PPFIA2: variants seen among roughly 807,000 people sequenced by gnomAD.
PPFIA2 encodes the protein liprin-alpha-2.
In PPFIA2, 46 loss-of-function variants were observed where a neutral mutation model predicts 175.5. That is an observed-to-expected ratio of 0.26 (90% CI 0.21 to 0.34). The LOEUF is 0.34. Among genes scored for constraint, PPFIA2 ranks in the 10% least tolerant of loss-of-function variants. PPFIA2 has a pLI of 1.00. For synonymous variants in PPFIA2, 568 were observed against 511.4 expected (o/e 1.11, Z -1.49); for missense variants, 1,179 against 1,506.1 (o/e 0.78, Z 3.60).
chr12:81,429,183 T>C (rs1457379050), intron 7 of PPFIA2, among the ~76,000 whole-genome samples: 1 of 152,154 alleles, frequency 6.6e-6, no homozygotes, highest in African/African-American at 2.4e-5. Context: ...GTAATCATTT[T>C]TATAAAGCAG....
intron 23 of PPFIA2, 123 bp downstream of exon 23, chr12:81,299,178 C>T (rs184299100): frequency 7.9e-7 from 1 of 1,271,342 alleles, no homozygotes; most frequent in Admixed American, 2.8e-5. Context: ...AGCAAATAGT[C>T]CCTTATGAGC....
intron 7 of PPFIA2, among the ~76,000 whole-genome samples, chr12:81,416,797 C>T (rs1039583838): frequency 4.6e-5 from 7 of 151,484 alleles, no homozygotes; most frequent in African/African-American, 1.7e-4. Flanking sequence ...TAATTATCTC[C>T]CCAACTACAA....
intron 14 of PPFIA2, among the ~76,000 whole-genome samples, chr12:81,363,940 T>C (rs1375504015): frequency 2.0e-5 from 3 of 151,888 alleles, no homozygotes; most frequent in Non-Finnish European, 2.9e-5. Context: ...TGAGATACAG[T>C]AGTGAGCTGA....
intron 3 of PPFIA2, among the ~76,000 whole-genome samples, chr12:81,705,800 T>G (rs1474284419): frequency 6.6e-6 from 1 of 152,178 alleles, no homozygotes; most frequent in Non-Finnish European, 1.5e-5. Context: ...AGTAATCATT[T>G]TTACTGAAAA....
intron 4 of PPFIA2, among the ~76,000 whole-genome samples, chr12:81,555,925 T>C (rs1261163459): frequency 5.3e-5 from 8 of 151,942 alleles, no homozygotes; most frequent in Admixed American, 5.3e-4. Flanking sequence ...TTGTCGCCCA[T>C]CAGGATAATT....
chr12:81,616,893 A>G lies in PPFIA2; in HGVS notation c.303+59898T>C, dbSNP rs1161477366. On this transcript the variant is annotated intron_variant, in intron 4 of 32. Coordinates refer to ENST00000549396, the MANE Select transcript of PPFIA2 (RefSeq NM_003625.5). ...TAATATTAATTTGATTGAACTGATT[A>G]GGTGCAAAGAGTCAGATATTTCTCT... Among the ~76,000 whole-genome samples, 4 of 152,308 alleles carry G rather than the reference A, an allele frequency of 2.6e-5. No homozygotes were observed. In the East Asian group the frequency reaches 7.7e-4, roughly 29 times the overall value.
At chr12:81,425,316 C>T (rs1386082502) in intron 7 of PPFIA2, among the ~76,000 whole-genome samples, 2 of 151,932 alleles carry the variant, frequency 1.3e-5, no homozygotes, top group Admixed American at 6.6e-5. Context: ...GTTGCCTTTC[C>T]CAAACTTGCT....
intron 4 of PPFIA2, among the ~76,000 whole-genome samples, chr12:81,535,192 G>A (rs1477896426): frequency 3.3e-5 from 5 of 151,714 alleles, no homozygotes; most frequent in Non-Finnish European, 7.4e-5. Context: ...AGCCTCAGAT[G>A]GTCTGGTACA....
chr12:81,286,036 T>A (rs571369303), intron 24 of PPFIA2, among the ~76,000 whole-genome samples: 2 of 152,116 alleles, frequency 1.3e-5, no homozygotes, highest in East Asian at 3.9e-4. Flanking sequence ...TGTGTAGGCC[T>A]ATAGTGATTT....
At chr12:81,347,177 C>A (rs2059222277) in intron 18 of PPFIA2, among the ~76,000 whole-genome samples, 1 of 151,732 alleles carries the variant, frequency 6.6e-6, no homozygotes, top group African/African-American at 2.4e-5. Flanking sequence ...GTCTTGAAAT[C>A]CTTGCCTCTA....
At chr12:81,716,948 GAA>G (rs894503906) in intron 3 of PPFIA2, among the ~76,000 whole-genome samples, 2 of 146,704 alleles carry the variant, frequency 1.4e-5, no homozygotes, top group African/African-American at 5.0e-5. Context: ...GAATAAGTCA[GAA>G]AAAAAAAATG....
intron 4 of PPFIA2, among the ~76,000 whole-genome samples, chr12:81,543,912 C>T (rs1182703204): frequency 2.0e-5 from 3 of 152,112 alleles, no homozygotes; most frequent in African/African-American, 7.2e-5. Flanking sequence ...TTCTTCCCAA[C>T]ACGTGACTAG....
chr12:81,595,524 C>G (rs1380498960), intron 4 of PPFIA2, among the ~76,000 whole-genome samples: 1 of 152,030 alleles, frequency 6.6e-6, no homozygotes, highest in Non-Finnish European at 1.5e-5. Context: ...GAGTAGAAAA[C>G]TGCAGGCACA....
chr12:81,440,085 C>A (rs779524222), intron 6 of PPFIA2, 39 bp from the exon 7 acceptor site: 3 of 1,406,534 alleles, frequency 2.1e-6, no homozygotes, highest in Non-Finnish European at 2.9e-6. Flanking sequence ...AATGTACATC[C>A]CATACATATT....
At chr12:81,363,697 C>T (rs1483774483) in intron 14 of PPFIA2, among the ~76,000 whole-genome samples, 1 of 151,448 alleles carries the variant, frequency 6.6e-6, no homozygotes, top group African/African-American at 2.4e-5. Context: ...TTTTTATTCT[C>T]ACTACGTCAC....
intron 3 of PPFIA2, among the ~76,000 whole-genome samples, chr12:81,738,588 G>A (rs903870533): frequency 6.6e-6 from 1 of 151,694 alleles, no homozygotes; most frequent in South Asian, 2.1e-4. Flanking sequence ...GTAATTTGTA[G>A]GTTAGCAAAA....
At chr12:81,310,207 G>A (rs1223006910) in intron 22 of PPFIA2, among the ~76,000 whole-genome samples, 1 of 151,954 alleles carries the variant, frequency 6.6e-6, no homozygotes, top group East Asian at 1.9e-4. Flanking sequence ...CAGTCACTCA[G>A]GGCCATGTAG....
At chr12:81,665,016 A>G (rs1025601259) in intron 4 of PPFIA2, among the ~76,000 whole-genome samples, 4 of 151,746 alleles carry the variant, frequency 2.6e-5, no homozygotes, top group African/African-American at 9.7e-5. Flanking sequence ...GAAGGGGAAC[A>G]TCACACACCG....
chr12:81,263,087 CT>C, intron 31 of PPFIA2, 143 bp downstream of exon 31: 1 of 755,516 alleles, frequency 1.3e-6, no homozygotes, highest in Non-Finnish European at 2.0e-6. Context: ...AAAAAGGAGT[CT>C]GGTTTGTGAT....
Sources: gnomAD v4.1 joint callset for allele counts (sites outside exome capture counted in the v4.1 genomes callset) on GRCh38, gnomAD v4.1.1 for gene constraint, MANE v1.5 for transcripts, NCBI Gene and HGNC (gene_info 2026-07-23, HGNC 2026-07-21) for gene names.